UBE2Q2: variants seen among roughly 807,000 people sequenced by gnomAD.
UBE2Q2 encodes the protein ubiquitin-conjugating enzyme E2 Q2.
UBE2Q2 carries 54 observed loss-of-function variants against 59.9 expected under a neutral mutation model. That is an observed-to-expected ratio of 0.90 (90% CI 0.72 to 1.13). The LOEUF is 1.13. Among genes scored for constraint, UBE2Q2 ranks in the 50% most tolerant of loss-of-function variants. The pLI is 0.00. For synonymous variants in UBE2Q2, 165 were observed against 155.2 expected, an observed-to-expected ratio of 1.06 and a Z score of -0.47; for missense variants, 433 against 441.9, an observed-to-expected ratio of 0.98 and a Z score of 0.18.
At chr15:75,849,947 A>G (rs563215530) in intron 1 of UBE2Q2, among the ~76,000 whole-genome samples, 2 of 152,366 alleles carry the variant, frequency 1.3e-5, no homozygotes, top group South Asian at 2.1e-4. Context: ...GAGAAATAGT[A>G]GGCAAACTTA....
chr15:75,880,911 G>A (rs572288303), intron 8 of UBE2Q2, among the ~76,000 whole-genome samples: 3 of 152,304 alleles, frequency 2.0e-5, no homozygotes, highest in African/African-American at 7.2e-5. Context: ...TTCTTACGTA[G>A]CTTTTTTATG....
intron 1 of UBE2Q2, among the ~76,000 whole-genome samples, chr15:75,846,998 C>T (rs1446656618): frequency 6.6e-6 from 1 of 152,186 alleles, no homozygotes; most frequent in Non-Finnish European, 1.5e-5. Context: ...CGTCAAGGCT[C>T]TTCTGGGTCA....
At chr15:75,872,056 A>G (rs1897823514) in intron 4 of UBE2Q2, among the ~76,000 whole-genome samples, 1 of 152,106 alleles carries the variant, frequency 6.6e-6, no homozygotes, top group Admixed American at 6.6e-5. Context: ...GCACACAGGG[A>G]GAAGGGAGCT....
chr15:75,843,661 G>A lies in UBE2Q2; in HGVS notation c.-6G>A. The A allele has an allele frequency of 1.3e-6, 2 of 1,595,640 alleles. No individual in the cohort carries two copies. The highest frequency in any genetic ancestry group is 1.4e-5 in the African/African-American group (1 of 72,074). ...CCGCGCCCCTCCCGCCGGAGATGAG[G>A]GGAAGATGTCCGTGTCAGGGCTCAA... is the stretch of plus-strand genomic sequence containing the variant. On this transcript the variant is annotated 5_prime_UTR_variant, in exon 1 of 13. Coordinates refer to ENST00000267938, the MANE Select transcript of UBE2Q2 (RefSeq NM_173469.4).
At chr15:75,860,911 C>T (rs1897175302) in intron 3 of UBE2Q2, among the ~76,000 whole-genome samples, 1 of 152,172 alleles carries the variant, frequency 6.6e-6, no homozygotes, top group African/African-American at 2.4e-5. Flanking sequence ...CCTAAGAAAG[C>T]ATGGAGGAGT....
intron 4 of UBE2Q2, among the ~76,000 whole-genome samples, chr15:75,870,771 G>A (rs1897743202): frequency 6.6e-6 from 1 of 152,150 alleles, no homozygotes; most frequent in South Asian, 2.1e-4. Context: ...TGGAAGTCAT[G>A]AAAAAACAAG....
intron 10 of UBE2Q2, 86 bp downstream of exon 10, chr15:75,890,569 T>C: frequency 8.9e-7 from 1 of 1,129,100 alleles, no homozygotes; most frequent in Non-Finnish European, 1.3e-6. Context: ...AATTCTTTAA[T>C]AGCTCCTACT....
chr15:75,876,482 TTA>T (rs1239692937), intron 6 of UBE2Q2, among the ~76,000 whole-genome samples: 2 of 152,234 alleles, frequency 1.3e-5, no homozygotes, highest in Non-Finnish European at 2.9e-5. Context: ...AAAAATGTTT[TTA>T]TAGGTCCATT....
chr15:75,881,181 T>TA (rs1177504311), intron 8 of UBE2Q2, among the ~76,000 whole-genome samples: 1 of 151,586 alleles, frequency 6.6e-6, no homozygotes, highest in African/African-American at 2.4e-5. Context: ...TCTTTCTTTT[T>TA]AAAAAATTGA....
intron 1 of UBE2Q2, chr15:75,844,557 A>C (rs1896222896): frequency 6.7e-7 from 1 of 1,495,184 alleles, no homozygotes; most frequent in Non-Finnish European, 9.1e-7. Flanking sequence ...GTGAAAGGAG[A>C]TACGCGCCAG....
intron 2 of UBE2Q2, among the ~76,000 whole-genome samples, chr15:75,856,073 A>G (rs1896887957): frequency 1.3e-5 from 2 of 151,922 alleles, no homozygotes; most frequent in East Asian, 1.9e-4. Context: ...TGTAGTCCCA[A>G]CTACTGAGGA....
intron 12 of UBE2Q2, among the ~76,000 whole-genome samples, 185 bp downstream of exon 12, chr15:75,897,246 A>ATTTGT (rs1428061161): frequency 2.0e-5 from 3 of 151,600 alleles, no homozygotes; most frequent in Admixed American, 2.0e-4. Context: ...ATTTTATTTT[A>ATTTGT]TTTGTTTTTT....
chr15:75,844,685 A>AC, intron 1 of UBE2Q2: 1 of 538,442 alleles, frequency 1.9e-6, no homozygotes, highest in Non-Finnish European at 3.2e-6. Context: ...TTGAAGTATT[A>AC]AGTTTCTCCA....
chr15:75,859,992 A>C lies in UBE2Q2; in HGVS notation c.387+10A>C. The C allele has an allele frequency of 6.3e-7, 1 of 1,575,882 alleles. No homozygotes were observed. Among genetic ancestry groups the C allele is most frequent in the Non-Finnish European group, 8.6e-7 (1 of 1,161,798 alleles). On this transcript the variant is annotated intron_variant, in intron 3 of 12. Transcript: ENST00000267938. ...ACTACCCACGGGTCAGGTAAAGTAA[A>C]AATTCTCTAGTGTTCAAGAGCTAAA...
intron 3 of UBE2Q2, among the ~76,000 whole-genome samples, chr15:75,860,598 A>G (rs1321479830): frequency 6.6e-6 from 1 of 152,154 alleles, no homozygotes; most frequent in African/African-American, 2.4e-5. Context: ...TTTCTAGAAT[A>G]TTTAAGATAG....
At chr15:75,866,958 A>G (rs1897522922) in intron 3 of UBE2Q2, among the ~76,000 whole-genome samples, 1 of 152,112 alleles carries the variant, frequency 6.6e-6, no homozygotes, top group African/African-American at 2.4e-5. Context: ...CAGATTGCTA[A>G]TTTTCTTCAG....
intron 11 of UBE2Q2, among the ~76,000 whole-genome samples, chr15:75,893,756 C>G (rs575274981): frequency 1.3e-5 from 2 of 152,000 alleles, no homozygotes; most frequent in African/African-American, 4.8e-5. Flanking sequence ...GGTTAGAAGG[C>G]AATAATGAAG....
At chr15:75,888,839 C>G (rs535478339) in intron 9 of UBE2Q2, among the ~76,000 whole-genome samples, 4 of 152,172 alleles carry the variant, frequency 2.6e-5, no homozygotes, top group Admixed American at 2.6e-4. Context: ...TTTCTTCCCC[C>G]CACCTCTTAA....
chr15:75,883,449 A>G, intron 9 of UBE2Q2, 25 bp downstream of exon 9: 4 of 1,594,444 alleles, frequency 2.5e-6, no homozygotes, highest in Non-Finnish European at 3.4e-6. Context: ...CTACTTAAAA[A>G]GAAATTTTTT....
Sources: gnomAD v4.1 joint callset for allele counts (sites outside exome capture counted in the v4.1 genomes callset) on GRCh38, gnomAD v4.1.1 for gene constraint, MANE v1.5 for transcripts, NCBI Gene and HGNC (gene_info 2026-07-23, HGNC 2026-07-21) for gene names.